Variants in GALNT13 observed in about 807,000 individuals in gnomAD.
GALNT13 encodes polypeptide N-acetylgalactosaminyltransferase 13, also known as UDP-GalNAc:polypeptide N-acetylgalactosaminyltransferase 13.
GALNT13 carries 28 observed loss-of-function variants against 64.2 expected under a neutral mutation model. The ratio of observed to expected loss-of-function variants is 0.44; its 90% CI spans 0.32 to 0.60. The LOEUF is 0.60. Ranked by LOEUF, GALNT13 falls within the 20% of genes least tolerant of loss-of-function variation. The pLI is 0.05. For synonymous variants in GALNT13, 214 were observed against 224.6 expected (o/e 0.95, Z 0.42); for missense variants, 577 against 669.8 (o/e 0.86, Z 1.53).
chr2:153,361,082 C>A, the GALNT13 span, among the ~76,000 whole-genome samples: 46,622 of 151,884 alleles, frequency 0.31, 7,665 homozygotes, highest in Non-Finnish European at 0.38. Flanking sequence ...AGGATTGAAG[C>A]AGATGAATAG....
At chr2:153,569,398 G>A in the GALNT13 span, among the ~76,000 whole-genome samples, 4 of 151,410 alleles carry the variant, frequency 2.6e-5, no homozygotes, top group Non-Finnish European at 4.4e-5. Context: ...TCATTTTTCT[G>A]TTTTGTTTCT....
intron 9 of GALNT13, among the ~76,000 whole-genome samples, chr2:154,354,491 A>T (rs561044465): frequency 8.9e-6 from 1 of 112,762 alleles, no homozygotes; most frequent in African/African-American, 3.4e-5. Flanking sequence ...AATCTTGGCC[A>T]TGGCCATGTC....
At chr2:153,470,211 C>CAGCA in the GALNT13 span, among the ~76,000 whole-genome samples, 1 of 152,086 alleles carries the variant, frequency 6.6e-6, no homozygotes, top group African/African-American at 2.4e-5. Flanking sequence ...ATAGGTCCTC[C>CAGCA]AGCAGCCCTC....
chr2:153,543,329 T>C, the GALNT13 span, among the ~76,000 whole-genome samples: 2 of 152,208 alleles, frequency 1.3e-5, no homozygotes, highest in Admixed American at 6.5e-5. Flanking sequence ...TACATCTTAC[T>C]GTTGAGTGCA....
the GALNT13 span, among the ~76,000 whole-genome samples, chr2:153,602,395 A>C: frequency 6.6e-6 from 1 of 151,758 alleles, no homozygotes; most frequent in Non-Finnish European, 1.5e-5. Flanking sequence ...AGAAAAATAA[A>C]GCCAGAAATC....
At chr2:153,564,430 T>G in the GALNT13 span, among the ~76,000 whole-genome samples, 1 of 152,124 alleles carries the variant, frequency 6.6e-6, no homozygotes, top group African/African-American at 2.4e-5. Flanking sequence ...AAATTTTCAT[T>G]ATGAATTTAT....
chr2:153,316,233 A>G, the GALNT13 span, among the ~76,000 whole-genome samples: 2 of 152,178 alleles, frequency 1.3e-5, no homozygotes, highest in Non-Finnish European at 2.9e-5. Flanking sequence ...AAATGGTATA[A>G]CCAATTTAAA....
chr2:153,531,693 T>G, the GALNT13 span, among the ~76,000 whole-genome samples: 1 of 152,172 alleles, frequency 6.6e-6, no homozygotes, highest in Admixed American at 6.5e-5. Flanking sequence ...CCTATGAGCC[T>G]GTAAAATAAT....
At chr2:153,678,120 G>T in the GALNT13 span, among the ~76,000 whole-genome samples, 2 of 149,856 alleles carry the variant, frequency 1.3e-5, no homozygotes, top group Non-Finnish European at 3.0e-5. Flanking sequence ...CCTACAGAAT[G>T]GGAGAAAATA....
chr2:153,743,586 A>G, the GALNT13 span, among the ~76,000 whole-genome samples: 3 of 152,092 alleles, frequency 2.0e-5, no homozygotes, highest in Non-Finnish European at 1.5e-5. Flanking sequence ...GGCACATAAG[A>G]TGTTTTGATA....
chr2:153,785,437 G>GA, the GALNT13 span, among the ~76,000 whole-genome samples: 3 of 152,158 alleles, frequency 2.0e-5, no homozygotes, highest in African/African-American at 7.2e-5. Context: ...TTAGGTACTG[G>GA]AAAATCTGAG....
At chr2:153,810,734 G>C in the GALNT13 span, among the ~76,000 whole-genome samples, 6 of 152,144 alleles carry the variant, frequency 3.9e-5, no homozygotes, top group African/African-American at 1.4e-4. Flanking sequence ...TTAGAGAGTG[G>C]TAGTCTTTTA....
At chr2:153,429,572 G>C in the GALNT13 span, among the ~76,000 whole-genome samples, 1 of 152,030 alleles carries the variant, frequency 6.6e-6, no homozygotes, top group Non-Finnish European at 1.5e-5. Flanking sequence ...ATATCATCTT[G>C]GCAGTGTTAT....
intron 12 of GALNT13, among the ~76,000 whole-genome samples, chr2:154,444,402 ATG>A (rs1701460522): frequency 1.3e-5 from 2 of 152,142 alleles, no homozygotes; most frequent in Admixed American, 6.6e-5. Context: ...AAATCATTTT[ATG>A]TGTGTTACTG....
At chr2:153,103,443 A>G in the GALNT13 span, among the ~76,000 whole-genome samples, 8,155 of 152,198 alleles carry the variant, frequency 0.054, 290 homozygotes, top group South Asian at 0.11. Flanking sequence ...TCTGTATCTC[A>G]TTACTGTATG....
the GALNT13 span, among the ~76,000 whole-genome samples, chr2:153,698,780 A>C: frequency 6.6e-6 from 1 of 152,250 alleles, no homozygotes; most frequent in Non-Finnish European, 1.5e-5. Context: ...TCAACAGAAT[A>C]TACATTCTTC....
chr2:154,258,968 T>G, intron 7 of GALNT13, 53 bp from the exon 8 acceptor site: 2 of 927,800 alleles, frequency 2.2e-6, no homozygotes, highest in Non-Finnish European at 3.5e-6. Flanking sequence ...CTCATTAAAC[T>G]CCATACATTG....
chr2:153,215,865 T>C, the GALNT13 span, among the ~76,000 whole-genome samples: 1 of 152,020 alleles, frequency 6.6e-6, no homozygotes, highest in Non-Finnish European at 1.5e-5. Context: ...AATCCACACT[T>C]TGTAGTATAC....
the GALNT13 span, among the ~76,000 whole-genome samples, chr2:153,455,226 A>T: frequency 6.6e-6 from 1 of 152,192 alleles, no homozygotes; most frequent in African/African-American, 2.4e-5. Flanking sequence ...AACTTCTCAG[A>T]CCTAAGAAAC....
Sources: allele counts gnomAD v4.1 joint callset (sites outside exome capture counted in the v4.1 genomes callset), GRCh38; gene constraint gnomAD v4.1.1; transcripts MANE v1.5; gene names NCBI Gene and HGNC (gene_info 2026-07-23, HGNC 2026-07-21).